ATXN10: variants seen among roughly 807,000 people sequenced by gnomAD.
ATXN10 encodes ataxin-10.
Under a neutral mutation model 52.9 loss-of-function variants are expected in ATXN10, and 28 were observed. That is an observed-to-expected ratio of 0.53 (90% CI 0.39 to 0.73). The LOEUF is 0.73. Among genes scored for constraint, ATXN10 ranks in the 30% least tolerant of loss-of-function variants. The probability of loss-of-function intolerance (pLI) is 0.00; values close to 1 mark genes in which losing one functional copy is unlikely to be tolerated. For missense variants in ATXN10, 565 were observed against 577.0 expected (o/e 0.98, Z 0.21); for synonymous variants, 226 against 221.5 (o/e 1.02, Z -0.18).
At chr22:45,752,068 A>G (rs544054147) in intron 9 of ATXN10, among the ~76,000 whole-genome samples, 1 of 152,268 alleles carries the variant, frequency 6.6e-6, no homozygotes, top group Admixed American at 6.5e-5. Context: ...TGTGGATTTT[A>G]GTTTGAATTC....
At chr22:45,794,511 T>C (rs1266366292) in intron 9 of ATXN10, among the ~76,000 whole-genome samples, 1 of 152,136 alleles carries the variant, frequency 6.6e-6, no homozygotes, top group Non-Finnish European at 1.5e-5. Context: ...TCCATTCTAT[T>C]AATGTTTACA....
At position 45,823,763 on chromosome 22, in the gene ATXN10, A is replaced by G. The variant is rs1474712574; in HGVS notation, c.1237+16741A>G. Among the ~76,000 whole-genome samples, 1 of 152,162 alleles carries G rather than the reference A, an allele frequency of 6.6e-6. No individual in the cohort carries two copies. The highest frequency in any genetic ancestry group is 1.5e-5 in the Non-Finnish European group (1 of 68,024). On this transcript the variant is annotated intron_variant, in intron 10 of 11. Transcript: ENST00000252934. This position sits in a 1 kb window ranked among gnomAD's most constrained non-coding sequence, Gnocchi z 4.9. ...GTGTTTATTGAGTAGCTGGCATGTT[A>G]TGTGCTGCACACTGTTCTAGCTGCC...
chr22:45,829,307 C>T (rs1281411028), intron 10 of ATXN10, among the ~76,000 whole-genome samples: 1 of 152,176 alleles, frequency 6.6e-6, no homozygotes. Flanking sequence ...AAAGCTTTTT[C>T]TCTAAGATCG....
In ATXN10 at chr22:45,696,390, G is replaced by C. The variant is rs1204263053; in HGVS notation, c.391+3312G>C. On this transcript the variant is annotated intron_variant, in intron 3 of 11. Coordinates refer to ENST00000252934, the MANE Select transcript of ATXN10 (RefSeq NM_013236.4). The surrounding 1 kb of genome is among the most constrained non-coding windows in gnomAD (Gnocchi z 4.7). ...GCGGGCAGTGTGGCGCTCCAGAGCT[G>C]CTGTGCTGTGGTGGGCGGAAGGAGG... is the stretch of plus-strand genomic sequence containing the variant. Among the ~76,000 whole-genome samples the C allele has an allele frequency of 2.0e-5, 3 of 152,220 alleles. No individual in the cohort carries two copies. Among genetic ancestry groups the C allele is most frequent in the Non-Finnish European group, 4.4e-5 (3 of 68,024 alleles).
At chr22:45,836,188 T>C (rs916260646) in intron 10 of ATXN10, among the ~76,000 whole-genome samples, 1 of 152,234 alleles carries the variant, frequency 6.6e-6, no homozygotes, top group Non-Finnish European at 1.5e-5. Context: ...ACTTGTACTT[T>C]AATTTTCTGA....
chr22:45,782,863 ATG>A (rs1470678085), intron 9 of ATXN10, among the ~76,000 whole-genome samples: 1 of 152,222 alleles, frequency 6.6e-6, no homozygotes, highest in Admixed American at 6.5e-5. Flanking sequence ...AACCCTATGT[ATG>A]TGAGGTTTTG....
rs1219553026 is a variant in ATXN10, at chr22:45,775,953, C to T, written c.1174-31006C>T. ...CACCATGGGCACCGACATCTGTGGC[C>T]ACTCCACAGCCCATTGGTTCCGTCC... On this transcript the variant is annotated intron_variant, in intron 9 of 11. Coordinates refer to ENST00000252934, the MANE Select transcript of ATXN10 (RefSeq NM_013236.4). This position sits in a 1 kb window ranked among gnomAD's most constrained non-coding sequence, Gnocchi z 4.7. Among the ~76,000 whole-genome samples, 1 of 152,152 alleles carries T rather than the reference C, an allele frequency of 6.6e-6. No individual in the cohort carries two copies. Among genetic ancestry groups the T allele is most frequent in the Non-Finnish European group, 1.5e-5 (1 of 68,022 alleles).
At chr22:45,812,374 A>G (rs891005008) in intron 10 of ATXN10, among the ~76,000 whole-genome samples, 3 of 152,208 alleles carry the variant, frequency 2.0e-5, no homozygotes, top group African/African-American at 7.2e-5. Context: ...TATTTCTTAG[A>G]TAGATACCTG....
intron 9 of ATXN10, among the ~76,000 whole-genome samples, chr22:45,798,250 C>T (rs968510279): frequency 6.6e-6 from 1 of 152,168 alleles, no homozygotes; most frequent in Non-Finnish European, 1.5e-5. Flanking sequence ...AGCAGTGTCT[C>T]TCATGGTCAG....
At chr22:45,834,174 T>C (rs1929086353) in intron 10 of ATXN10, among the ~76,000 whole-genome samples, 1 of 152,240 alleles carries the variant, frequency 6.6e-6, no homozygotes, top group South Asian at 2.1e-4. Context: ...TCTTGGCTTA[T>C]GTGAGAGACA....
rs1927206698 is a variant in ATXN10 at position 45,783,113 on chromosome 22, C to T, written c.1174-23846C>T. The stretch of plus-strand genomic sequence containing the variant: ...GAAGCACTTTATGGCTTCTCTTTGG[C>T]ATATTCAAATTGGCAGCATCACTAC... On this transcript the variant is annotated intron_variant, in intron 9 of 11. Transcript: ENST00000252934. The surrounding 1 kb of genome is among the most constrained non-coding windows in gnomAD (Gnocchi z 5.0). Among the ~76,000 whole-genome samples, 1 of 152,158 alleles carries T rather than the reference C, an allele frequency of 6.6e-6. No homozygotes were observed. The highest frequency in any genetic ancestry group is 1.5e-5 in the Non-Finnish European group (1 of 68,034).
At chr22:45,736,164 A>G (rs779654706) in intron 7 of ATXN10, among the ~76,000 whole-genome samples, 1 of 152,092 alleles carries the variant, frequency 6.6e-6, no homozygotes, top group African/African-American at 2.4e-5. Flanking sequence ...AATTTCAAAC[A>G]TAGACTAAGA....
chr22:45,693,839 C>T (rs1017713889), intron 3 of ATXN10, among the ~76,000 whole-genome samples: 1 of 152,126 alleles, frequency 6.6e-6, no homozygotes, highest in African/African-American at 2.4e-5. Context: ...ATCTACAGGC[C>T]AAGGAGCGAG....
chr22:45,840,142 G>A lies in ATXN10; in HGVS notation c.1238-2849G>A, dbSNP rs534069595. Among the ~76,000 whole-genome samples, 1 of 152,344 alleles carries A rather than the reference G, an allele frequency of 6.6e-6. No individual in the cohort carries two copies. Among genetic ancestry groups the A allele is most frequent in the East Asian group, 1.9e-4 (1 of 5,178 alleles). On this transcript the variant is annotated intron_variant, in intron 10 of 11. Transcript: ENST00000252934. The surrounding 1 kb of genome is among the most constrained non-coding windows in gnomAD (Gnocchi z 5.8). ...TGTAGTCCCAGCTATTCGGGAGGCT[G>A]AGGCAAGAGGATCACTTGAGCCTAG... is the stretch of plus-strand genomic sequence containing the variant.
intron 7 of ATXN10, chr22:45,729,857 C>T: frequency 4.4e-6 from 2 of 449,880 alleles, no homozygotes; most frequent in South Asian, 4.1e-5. Flanking sequence ...GACATGTGCA[C>T]ATATGTATCT....
intron 1 of ATXN10, chr22:45,673,703 AG>A (rs1393215681): frequency 6.6e-6 from 1 of 152,154 alleles, no homozygotes; most frequent in Non-Finnish European, 1.5e-5. Flanking sequence ...TCTATACAAG[AG>A]GTGGTGGCAC....
rs1015510288 is a variant in ATXN10 at position 45,762,125 on chromosome 22, A to G, written c.1173+21587A>G. On this transcript the variant is annotated intron_variant, in intron 9 of 11. Transcript: ENST00000252934. The surrounding 1 kb of genome is among the most constrained non-coding windows in gnomAD (Gnocchi z 4.3). ...TAAAAGATAGTATTTTACTTGTAAC[A>G]ATTGCAGAAAAAGTGAAAAGCTTGA... Among the ~76,000 whole-genome samples the G allele has an allele frequency of 1.3e-5, 2 of 152,246 alleles. No homozygotes were observed. Among genetic ancestry groups the G allele is most frequent in the African/African-American group, 4.8e-5 (2 of 41,454 alleles).
At chr22:45,694,371 G>T (rs13058561) in intron 3 of ATXN10, among the ~76,000 whole-genome samples, 6,520 of 152,228 alleles carry the variant, frequency 0.043, 209 homozygotes, top group Middle Eastern at 0.071. Flanking sequence ...CTTAATGTAG[G>T]CTGGGTGCCG....
chr22:45,718,481 A>T lies in ATXN10; in HGVS notation c.716A>T (p.Asn239Ile). The T allele has an allele frequency of 1.2e-6, 2 of 1,613,632 alleles. No homozygotes were observed. The highest frequency in any genetic ancestry group is 1.7e-6 in the Non-Finnish European group (2 of 1,179,618). The change falls in exon 6 of 12, where the codon AAC (asparagine) becomes ATC (isoleucine). Residue 239 changes from asparagine to isoleucine, a missense_variant. Coordinates refer to ENST00000252934, the MANE Select transcript of ATXN10 (RefSeq NM_013236.4). This position sits in a 1 kb window ranked among gnomAD's most constrained non-coding sequence, Gnocchi z 4.4. Reference sequence around the variant, plus strand: ...GTACAAGCCATGTTTCCCAAACTGAACAATCAAGAAAGGTAACCCCCCAAC... The same window carrying T: ...GTACAAGCCATGTTTCCCAAACTGATCAATCAAGAAAGGTAACCCCCCAAC... ...ELVQAMFPKL[N>I]NQERVTLLDL...
Sources: gnomAD v4.1 joint callset for allele counts (sites outside exome capture counted in the v4.1 genomes callset) on GRCh38, gnomAD v4.1.1 for gene constraint, Gnocchi (gnomAD v3.1) non-coding constraint, MANE v1.5 for transcripts, NCBI Gene and HGNC (gene_info 2026-07-23, HGNC 2026-07-21) for gene names.